TNR: variants seen among roughly 807,000 people sequenced by gnomAD.
TNR encodes tenascin R.
In TNR, 45 loss-of-function variants were observed where a neutral mutation model predicts 150.4. The observed-to-expected ratio is 0.30, with a 90% CI of 0.24 to 0.38. The LOEUF is 0.38. Among genes scored for constraint, TNR ranks in the 10% least tolerant of loss-of-function variants. The pLI is 1.00. For synonymous variants in TNR, 687 were observed against 678.4 expected, an observed-to-expected ratio of 1.01 and a Z score of -0.20; for missense variants, 1,544 against 1,759.1, an observed-to-expected ratio of 0.88 and a Z score of 2.19.
At chr1:175,367,969 C>T (rs997753983) in intron 9 of TNR, among the ~76,000 whole-genome samples, 3 of 152,126 alleles carry the variant, frequency 2.0e-5, no homozygotes, top group Non-Finnish European at 4.4e-5. Flanking sequence ...AGAGGAGACA[C>T]AAAAACTGTC....
At chr1:175,590,538 G>A (rs1184342409) in intron 1 of TNR, among the ~76,000 whole-genome samples, 1 of 152,208 alleles carries the variant, frequency 6.6e-6, no homozygotes, top group Non-Finnish European at 1.5e-5. Flanking sequence ...TCTCAGCCTG[G>A]TGGAGAAGAC....
chr1:175,486,753 T>A (rs1007320203), intron 2 of TNR, among the ~76,000 whole-genome samples: 2 of 152,204 alleles, frequency 1.3e-5, no homozygotes, highest in African/African-American at 4.8e-5. Context: ...GTGTAAAAGC[T>A]TTCCTATTTC....
intron 1 of TNR, among the ~76,000 whole-genome samples, chr1:175,622,628 A>T (rs1314514555): frequency 6.6e-6 from 1 of 152,232 alleles, no homozygotes; most frequent in Admixed American, 6.5e-5. Context: ...GCTTTCCCAG[A>T]ACTCTCTAGA....
intron 2 of TNR, among the ~76,000 whole-genome samples, chr1:175,464,036 AC>A (rs1181528806): frequency 6.6e-6 from 1 of 152,238 alleles, no homozygotes; most frequent in Non-Finnish European, 1.5e-5. Context: ...TGTGGTTATC[AC>A]ATAAGCTTGT....
chr1:175,620,855 A>G (rs1663950175), intron 1 of TNR, among the ~76,000 whole-genome samples: 1 of 151,654 alleles, frequency 6.6e-6, no homozygotes, highest in Non-Finnish European at 1.5e-5. Flanking sequence ...AGAGAGAGAG[A>G]AGCTTTTCTA....
chr1:175,652,706 A>G (rs2101890662), intron 1 of TNR, among the ~76,000 whole-genome samples: 1 of 152,220 alleles, frequency 6.6e-6, no homozygotes, highest in South Asian at 2.1e-4. Context: ...GCCTTCCACC[A>G]TGGTTGTAAG....
chr1:175,720,165 G>T (rs1192313803), intron 1 of TNR, among the ~76,000 whole-genome samples: 1 of 152,184 alleles, frequency 6.6e-6, no homozygotes, highest in East Asian at 1.9e-4. Context: ...AGTAATTAAG[G>T]TTAAATGAGG....
At chr1:175,587,472 A>G (rs1156273291) in intron 1 of TNR, among the ~76,000 whole-genome samples, 2 of 152,236 alleles carry the variant, frequency 1.3e-5, no homozygotes, top group Admixed American at 1.3e-4. Flanking sequence ...GAAATCATGT[A>G]GTTAAGAATC....
intron 1 of TNR, among the ~76,000 whole-genome samples, chr1:175,708,483 T>A (rs1666903725): frequency 6.6e-6 from 1 of 152,232 alleles, no homozygotes; most frequent in African/African-American, 2.4e-5. Flanking sequence ...CAAGAGTATA[T>A]CCTCGCACTT....
intron 1 of TNR, among the ~76,000 whole-genome samples, chr1:175,618,260 G>A (rs1399682856): frequency 6.6e-6 from 1 of 152,166 alleles, no homozygotes; most frequent in East Asian, 1.9e-4. Context: ...GAAAGTAATG[G>A]CATAGTAGTT....
intron 2 of TNR, among the ~76,000 whole-genome samples, chr1:175,458,839 G>A (rs1022209333): frequency 2.6e-5 from 4 of 152,022 alleles, no homozygotes; most frequent in South Asian, 2.1e-4. Context: ...CACAGACCAC[G>A]GCCATTATCA....
intron 2 of TNR, among the ~76,000 whole-genome samples, chr1:175,480,805 C>T (rs1456402123): frequency 6.6e-6 from 1 of 152,140 alleles, no homozygotes; most frequent in African/African-American, 2.4e-5. Context: ...TCTCCAAGTG[C>T]CTAATGGCTT....
intron 2 of TNR, among the ~76,000 whole-genome samples, chr1:175,433,575 T>C (rs1397370381): frequency 1.3e-5 from 2 of 152,172 alleles, no homozygotes; most frequent in Non-Finnish European, 2.9e-5. Flanking sequence ...AAAGGCAATC[T>C]GTCTGAGGCT....
At position 175,386,099 on chromosome 1, in the gene TNR, G is replaced by C; in HGVS notation, c.1710C>G (p.Tyr570Ter). 1 of 1,612,614 alleles carries C rather than the reference G, an allele frequency of 6.2e-7. No individual in the cohort carries two copies. Among genetic ancestry groups the C allele is most frequent in the South Asian group, 1.1e-5 (1 of 91,000 alleles). The stretch of plus-strand genomic sequence containing the variant: ...CTCGGACGGCACTGACTGACACCTC[G>C]TATCGGGAGCCAGGCCGCAGGGCCT... ...SVQALRPGSR[Y>*]EVSVSAVRGT... Residue 570 changes from tyrosine (Y) to a stop codon, truncating the protein, a stop_gained, in exon 8 of 23, where the codon TAC becomes TAG. Transcript: ENST00000367674. LOFTEE classifies it high-confidence loss of function.
intron 2 of TNR, among the ~76,000 whole-genome samples, chr1:175,421,631 A>G (rs1654759197): frequency 6.6e-6 from 1 of 152,218 alleles, no homozygotes; most frequent in Non-Finnish European, 1.5e-5. Context: ...CAAACTTTTT[A>G]TCTGTAAGAT....
chr1:175,395,625 T>G (rs1028598326), intron 5 of TNR, among the ~76,000 whole-genome samples: 2 of 152,222 alleles, frequency 1.3e-5, no homozygotes, highest in African/African-American at 4.8e-5. Context: ...ATGCAGGTTT[T>G]GCAGTAGACT....
chr1:175,529,815 C>G (rs186797365), intron 1 of TNR, among the ~76,000 whole-genome samples: 1 of 152,214 alleles, frequency 6.6e-6, no homozygotes, highest in East Asian at 1.9e-4. Context: ...GCTAACCTCA[C>G]TCTCAGAAAG....
chr1:175,694,281 A>G (rs1345956022), intron 1 of TNR, among the ~76,000 whole-genome samples: 1 of 152,192 alleles, frequency 6.6e-6, no homozygotes, highest in Admixed American at 6.5e-5. Context: ...TCACTTCTGA[A>G]TCTGGACCTG....
chr1:175,346,961 TAG>T, intron 18 of TNR, among the ~76,000 whole-genome samples: 1 of 151,966 alleles, frequency 6.6e-6, no homozygotes, highest in East Asian at 1.9e-4. Flanking sequence ...TGTTTCTTTT[TAG>T]AGTGAGATTA....
Sources: allele counts gnomAD v4.1 joint callset (sites outside exome capture counted in the v4.1 genomes callset), GRCh38; gene constraint gnomAD v4.1.1; transcripts MANE v1.5; gene names NCBI Gene and HGNC (gene_info 2026-07-23, HGNC 2026-07-21).